The following KCNT2 variants were observed in gnomAD, a reference collection of about 807,000 sequenced individuals.
KCNT2 encodes the protein potassium sodium-activated channel subfamily T member 2, also known as potassium channel subfamily T member 2.
KCNT2 carries 67 observed loss-of-function variants against 153.8 expected under a neutral mutation model. The ratio of observed to expected loss-of-function variants is 0.44; its 90% CI spans 0.36 to 0.53. The LOEUF is 0.53. Ranked by LOEUF, KCNT2 falls within the 20% of genes least tolerant of loss-of-function variation. KCNT2 has a pLI of 0.00. For missense variants in KCNT2, 975 were observed against 1,354.8 expected (o/e 0.72, Z 4.40); for synonymous variants, 500 against 458.8 (o/e 1.09, Z -1.15).
intron 1 of KCNT2, among the ~76,000 whole-genome samples, chr1:196,503,101 G>A (rs942849948): frequency 1.3e-5 from 2 of 151,466 alleles, no homozygotes; most frequent in African/African-American, 4.8e-5. Flanking sequence ...ACAGAATTTA[G>A]GCCTGTAATA....
chr1:196,388,632 T>C lies in KCNT2; in HGVS notation c.1294+9931A>G, dbSNP rs1354210924. The stretch of plus-strand genomic sequence containing the variant: ...ACATATTTTATTAAATTCTCCCATA[T>C]CTATTTCATACTTTTGATGAATTTT... On this transcript the variant is annotated intron_variant, in intron 13 of 27. Transcript: ENST00000294725. Among the ~76,000 whole-genome samples the C allele has an allele frequency of 7.9e-5, 12 of 151,652 alleles. No individual in the cohort carries two copies. The East Asian group carries it at 1.9e-3, about 24-fold the overall frequency.
intron 26 of KCNT2, among the ~76,000 whole-genome samples, chr1:196,256,369 T>C (rs1190979664): frequency 6.6e-6 from 1 of 151,996 alleles, no homozygotes; most frequent in Admixed American, 6.6e-5. Flanking sequence ...CCTTGTAAGC[T>C]GTGGTCCATG....
intron 5 of KCNT2, among the ~76,000 whole-genome samples, chr1:196,471,920 T>A (rs1678140011): frequency 6.6e-6 from 1 of 152,212 alleles, no homozygotes; most frequent in South Asian, 2.1e-4. Flanking sequence ...ATTTCACAGT[T>A]TGAACTCTGG....
chr1:196,242,889 C>G (rs1558059146), intron 26 of KCNT2, among the ~76,000 whole-genome samples: 1 of 152,118 alleles, frequency 6.6e-6, no homozygotes, highest in African/African-American at 2.4e-5. Flanking sequence ...TTTAGGATCA[C>G]CATCACTGTT....
At chr1:196,330,973 G>A (rs1664400958) in intron 18 of KCNT2, among the ~76,000 whole-genome samples, 183 bp downstream of exon 18, 1 of 151,856 alleles carries the variant, frequency 6.6e-6, no homozygotes, top group Admixed American at 6.6e-5. Flanking sequence ...AAGCATTTGG[G>A]TAATCATTTG....
intron 1 of KCNT2, among the ~76,000 whole-genome samples, chr1:196,504,655 G>A (rs1002456475): frequency 7.2e-5 from 11 of 152,080 alleles, no homozygotes; most frequent in South Asian, 2.1e-4. Flanking sequence ...CTGAGGAATC[G>A]CCACACTGAC....
At chr1:196,490,768 AG>A (rs1441979726) in intron 2 of KCNT2, among the ~76,000 whole-genome samples, 1 of 151,898 alleles carries the variant, frequency 6.6e-6, no homozygotes, top group African/African-American at 2.4e-5. Context: ...ATATGCATAA[AG>A]TCTGATTAAT....
chr1:196,324,489 A>T (rs963649491), intron 19 of KCNT2, among the ~76,000 whole-genome samples: 4 of 152,118 alleles, frequency 2.6e-5, no homozygotes, highest in Admixed American at 6.6e-5. Flanking sequence ...AGTTTATTTA[A>T]ATGTTTACAT....
intron 1 of KCNT2, among the ~76,000 whole-genome samples, chr1:196,602,254 G>T (rs189914853): frequency 1.3e-3 from 194 of 152,220 alleles, no homozygotes; most frequent in African/African-American, 4.3e-3. Flanking sequence ...AAAGCAACTG[G>T]TTACCGTTTT....
intron 22 of KCNT2, among the ~76,000 whole-genome samples, chr1:196,286,026 T>C (rs1423365036): frequency 6.6e-6 from 1 of 151,850 alleles, no homozygotes; most frequent in Non-Finnish European, 1.5e-5. Context: ...AGAAGAGACA[T>C]CATAATGGAA....
chr1:196,583,299 G>A (rs746281089), intron 1 of KCNT2, among the ~76,000 whole-genome samples: 1 of 152,080 alleles, frequency 6.6e-6, no homozygotes, highest in Non-Finnish European at 1.5e-5. Context: ...GTGGCTGGTT[G>A]CATGTTGGTA....
chr1:196,365,469 A>C (rs1029137274), intron 14 of KCNT2, among the ~76,000 whole-genome samples: 1 of 152,184 alleles, frequency 6.6e-6, no homozygotes, highest in Non-Finnish European at 1.5e-5. Context: ...TAGGTATTTA[A>C]ATCACCTTTT....
intron 14 of KCNT2, among the ~76,000 whole-genome samples, chr1:196,356,621 A>G (rs924929708): frequency 6.6e-6 from 1 of 151,826 alleles, no homozygotes; most frequent in South Asian, 2.1e-4. Context: ...TGTAGGTACT[A>G]CCTATTGACC....
intron 10 of KCNT2, among the ~76,000 whole-genome samples, chr1:196,427,394 A>T (rs553388669): frequency 5.8e-4 from 88 of 152,184 alleles, no homozygotes; most frequent in African/African-American, 2.0e-3. Context: ...CATTGTCTTG[A>T]AGTCTGGAGT....
At chr1:196,590,654 A>G (rs1663231667) in intron 1 of KCNT2, among the ~76,000 whole-genome samples, 1 of 152,176 alleles carries the variant, frequency 6.6e-6, no homozygotes, top group South Asian at 2.1e-4. Context: ...ATCACTCACA[A>G]AATCCTAAAG....
chr1:196,399,200 CACTT>C (rs1240733286), intron 12 of KCNT2, among the ~76,000 whole-genome samples: 3 of 151,336 alleles, frequency 2.0e-5, no homozygotes, highest in Non-Finnish European at 4.4e-5. Context: ...TTTAAAAAGA[CACTT>C]AAAGTAAGAA....
Position 196,299,936 on chromosome 1 carries a change from G to A in KCNT2, c.2595+5298C>T, listed in dbSNP as rs558585959. Among the ~76,000 whole-genome samples the A allele has an allele frequency of 2.6e-4, 39 of 152,250 alleles. 1 individual carries two copies. In the South Asian group the frequency reaches 7.3e-3, roughly 28 times the overall value. On this transcript the variant is annotated intron_variant, in intron 22 of 27. Transcript: ENST00000294725. ...ATGGATCTGTAAAAATAATGAAATC[G>A]TGTTATTTGCAGCAACATGGATGGT... is the stretch of plus-strand genomic sequence containing the variant.
At chr1:196,468,473 G>T (rs1677800932) in intron 6 of KCNT2, among the ~76,000 whole-genome samples, 1 of 151,940 alleles carries the variant, frequency 6.6e-6, no homozygotes. Flanking sequence ...CATATTTATG[G>T]GACTGTAGTT....
chr1:196,315,532 T>C (rs139294763), intron 21 of KCNT2, among the ~76,000 whole-genome samples: 228 of 151,824 alleles, frequency 1.5e-3, no homozygotes, highest in Non-Finnish European at 2.6e-3. Flanking sequence ...AGCTATTCAG[T>C]ATGTAAATGC....
Sources: gnomAD v4.1 joint callset for allele counts (sites outside exome capture counted in the v4.1 genomes callset) on GRCh38, gnomAD v4.1.1 for gene constraint, MANE v1.5 for transcripts, NCBI Gene and HGNC (gene_info 2026-07-23, HGNC 2026-07-21) for gene names.